The following ZC2HC1C variants were observed in gnomAD, a reference collection of about 807,000 sequenced individuals.
The protein encoded by ZC2HC1C is zinc finger C2HC domain-containing protein 1C.
ZC2HC1C carries 25 observed loss-of-function variants against 39.2 expected under a neutral mutation model. The ratio of observed to expected loss-of-function variants is 0.64; its 90% CI spans 0.47 to 0.89. ZC2HC1C has a LOEUF of 0.89. ZC2HC1C is among the 40% of genes least tolerant of loss of function. The pLI, the probability that ZC2HC1C is intolerant of heterozygous loss-of-function variation, is 0.00. For missense variants in ZC2HC1C, 519 were observed against 548.6 expected (o/e 0.95, Z 0.54); for synonymous variants, 209 against 214.4 (o/e 0.97, Z 0.22).
intron 2 of ZC2HC1C, among the ~76,000 whole-genome samples, chr14:75,075,553 T>G (rs1473923926): frequency 6.6e-6 from 1 of 152,230 alleles, no homozygotes; most frequent in Admixed American, 6.5e-5. Flanking sequence ...CCACTAGCTT[T>G]TAGCATCCAG....
In ZC2HC1C at chr14:75,071,125, CA is replaced by C; in HGVS notation, c.554del (p.Asn185ThrfsTer32). ...GGAACTTTGGTGTGAGGAACCAGGG[CA>C]ACTTTTCTGTGGTTGGTACTGTTCT... ...SRNFGVRNQG[N>X]FSVVGTVLAA... On this transcript the variant is annotated frameshift_variant, in exon 2 of 3. Transcript: ENST00000524913. LOFTEE classifies it high-confidence loss of function. The C allele has an allele frequency of 3.7e-6, 6 of 1,614,184 alleles. No homozygotes were observed. The highest frequency in any genetic ancestry group is 5.1e-6 in the Non-Finnish European group (6 of 1,180,042).
chr14:75,070,899 A>G lies in ZC2HC1C; in HGVS notation c.326A>G (p.Tyr109Cys), dbSNP rs746207229. ...DSQGQGNGLF[Y>C]SSGPQSWYPK... Reference sequence around the variant, plus strand: ...CAGGGCCAAGGAAATGGTTTGTTTTACTCGTCAGGCCCTCAATCCTGGTAT... The same window carrying G: ...CAGGGCCAAGGAAATGGTTTGTTTTGCTCGTCAGGCCCTCAATCCTGGTAT... Residue 109 changes from tyrosine to cysteine, a missense_variant, in exon 2 of 3, where the codon TAC (tyrosine) becomes TGC (cysteine). By Grantham distance (194) the Tyr-to-Cys change is radical. Transcript: ENST00000524913. 1 of 1,614,150 alleles carries G rather than the reference A, an allele frequency of 6.2e-7. No homozygotes were observed. The highest frequency in any genetic ancestry group is 8.5e-7 in the Non-Finnish European group (1 of 1,180,022).
rs1045740043 is a variant in ZC2HC1C, at chr14:75,078,800, A to C, written c.*1236A>C. 1 of 152,194 alleles carries C rather than the reference A, an allele frequency of 6.6e-6. No individual in the cohort carries two copies. Among genetic ancestry groups the C allele is most frequent in the Non-Finnish European group, 1.5e-5 (1 of 68,038 alleles). 9.4% of individuals were successfully genotyped at this position (152,194 alleles called of 1,614,324 possible). On this transcript the variant is annotated 3_prime_UTR_variant, in exon 3 of 3. Coordinates refer to ENST00000524913, the MANE Select transcript of ZC2HC1C (RefSeq NM_024643.4). ...GGCAATTATAGCATAGTCAACTTCT[A>C]TTTCAGAGAGTAAACTTTGAAGGGA... is the stretch of plus-strand genomic sequence containing the variant.
rs558524809 is a variant in ZC2HC1C, at chr14:75,070,945, C to CT, written c.375dup (p.Ile126TyrfsTer29). ...GGTATCCCAAAGCCAATAACCAGGA[C>CT]TTTATCCCCTTTACAAAGAAACGAG... On this transcript the variant is annotated frameshift_variant, in exon 2 of 3. Transcript: ENST00000524913. LOFTEE classifies it high-confidence loss of function. The CT allele has an allele frequency of 9.3e-6, 15 of 1,614,192 alleles. No individual in the cohort carries two copies. In the South Asian group the frequency reaches 1.5e-4, roughly 17 times the overall value.
In ZC2HC1C at chr14:75,071,738, G is replaced by C; in HGVS notation, c.1165G>C (p.Gly389Arg). The change falls in exon 2 of 3, where the codon GGT becomes CGT. Residue 389 changes from glycine (G) to arginine (R), a missense_variant. By Grantham distance (125) the Gly-to-Arg change is moderately radical (BLOSUM62 -2). Transcript: ENST00000524913. ...SSGSIEEPQLGECSHCGRKFL... is the reference protein window; with the variant it reads ...SSGSIEEPQLRECSHCGRKFL... ...CGGCTCCATTGAAGAGCCACAGCTG[G>C]GTGAGTGCAGCCACTGTGGGCGCAA... 1 of 1,614,192 alleles carries C rather than the reference G, an allele frequency of 6.2e-7. No homozygotes were observed. Among genetic ancestry groups the C allele is most frequent in the Non-Finnish European group, 8.5e-7 (1 of 1,180,030 alleles).
intron 1 of ZC2HC1C, among the ~76,000 whole-genome samples, chr14:75,070,149 C>T (rs1206976094): frequency 6.6e-6 from 1 of 152,164 alleles, no homozygotes; most frequent in African/African-American, 2.4e-5. Context: ...TGAGGCTGGA[C>T]TCTGCGGGAA....
chr14:75,077,475 G>A (rs1594812631), intron 2 of ZC2HC1C, 57 bp from the exon 3 acceptor site: 2 of 1,603,100 alleles, frequency 1.2e-6, no homozygotes, highest in East Asian at 4.5e-5. Context: ...TTCTACAAGA[G>A]ACTCAGGAAG....
At chr14:75,072,028 G>A (rs1893450891) in intron 2 of ZC2HC1C, 117 bp downstream of exon 2, 28 of 1,396,906 alleles carry the variant, frequency 2.0e-5, no homozygotes, top group Non-Finnish European at 2.5e-5. Flanking sequence ...TTGACGTCTA[G>A]AATTAACATT....
chr14:75,077,594 C>T lies in ZC2HC1C; in HGVS notation c.*30C>T. ...ATGAATCTTTTATCCATACGTTCCG[C>T]CAGGCTCGAGAGGTCCAGCAGGTAA... On this transcript the variant is annotated 3_prime_UTR_variant, in exon 3 of 3. Transcript: ENST00000524913. 2 of 1,614,018 alleles carry T rather than the reference C, an allele frequency of 1.2e-6. No homozygotes were observed. Among genetic ancestry groups the T allele is most frequent in the Non-Finnish European group, 1.7e-6 (2 of 1,179,950 alleles).
Position 75,077,596 on chromosome 14 carries a change from AG to A in ZC2HC1C, c.*34del. 1 of 1,613,960 alleles carries A rather than the reference AG, an allele frequency of 6.2e-7. No individual in the cohort carries two copies. ...GAATCTTTTATCCATACGTTCCGCC[AG>A]GCTCGAGAGGTCCAGCAGGTAACTG... On this transcript the variant is annotated 3_prime_UTR_variant, in exon 3 of 3. Coordinates refer to ENST00000524913, the MANE Select transcript of ZC2HC1C (RefSeq NM_024643.4).
chr14:75,070,939 C>T lies in ZC2HC1C; in HGVS notation c.366C>T (p.Asn122=). 6.2e-7 allele frequency: 1 copy of T among 1,614,174 alleles called. No homozygotes were observed. The highest frequency in any genetic ancestry group is 8.5e-7 in the Non-Finnish European group (1 of 1,180,044). ...AATCCTGGTATCCCAAAGCCAATAA[C>T]CAGGACTTTATCCCCTTTACAAAGA... The part of the protein sequence containing the change: ...GPQSWYPKAN[N]QDFIPFTKKR... The change falls in exon 2 of 3, where the codon AAC becomes AAT. Residue 122 remains asparagine, a synonymous_variant. Transcript: ENST00000524913.
At chr14:75,075,625 T>G (rs879231022) in intron 2 of ZC2HC1C, among the ~76,000 whole-genome samples, 1 of 152,244 alleles carries the variant, frequency 6.6e-6, no homozygotes, top group Non-Finnish European at 1.5e-5. Flanking sequence ...ACCTTTTTTT[T>G]TAAAAGGCTA....
In ZC2HC1C at chr14:75,077,571, G is replaced by C. The variant is rs151087313; in HGVS notation, c.*7G>C. 793 of 1,614,168 alleles carry C rather than the reference G, an allele frequency of 4.9e-4. 2 individuals carry two copies. In the African/African-American group the frequency reaches 9.0e-3, roughly 18 times the overall value. ...GAAGAGCAACTGGAGATAGAAGCAT[G>C]AATCTTTTATCCATACGTTCCGCCA... is the stretch of plus-strand genomic sequence containing the variant. On this transcript the variant is annotated 3_prime_UTR_variant, in exon 3 of 3. Coordinates refer to ENST00000524913, the MANE Select transcript of ZC2HC1C (RefSeq NM_024643.4).
In ZC2HC1C at chr14:75,071,255, C is replaced by T. The variant is rs371168246; in HGVS notation, c.682C>T (p.Arg228Ter). Residue 228 changes from arginine (R) to a stop codon, truncating the protein, a stop_gained, in exon 2 of 3, where the codon CGA becomes TGA. Coordinates refer to ENST00000524913, the MANE Select transcript of ZC2HC1C (RefSeq NM_024643.4). LOFTEE classifies it high-confidence loss of function. ...AAGESLEEEI[R>*]RKQILLRGKL... is the part of the protein sequence containing the mutation. Reference sequence around the variant, plus strand: ...AGGGGAGAGCTTAGAGGAGGAAATCCGAAGAAAGCAGATTCTCCTGAGGGG... The same window carrying T: ...AGGGGAGAGCTTAGAGGAGGAAATCTGAAGAAAGCAGATTCTCCTGAGGGG... 15 of 1,613,886 alleles carry T rather than the reference C, an allele frequency of 9.3e-6. No homozygotes were observed. The highest frequency in any genetic ancestry group is 2.2e-5 in the East Asian group (1 of 44,876).
At position 75,070,949 on chromosome 14, in the gene ZC2HC1C, A is replaced by G. The variant is rs1893356513; in HGVS notation, c.376A>G (p.Ile126Val). 8.7e-6 allele frequency: 14 copies of G among 1,614,194 alleles called. No homozygotes were observed. Among genetic ancestry groups the G allele is most frequent in the Non-Finnish European group, 1.2e-5 (14 of 1,180,038 alleles). The change falls in exon 2 of 3, where the codon ATC (isoleucine) becomes GTC (valine). Residue 126 changes from isoleucine (I) to valine (V), a missense_variant. Physicochemically the swap from Ile to Val is conservative, Grantham distance 29. Transcript: ENST00000524913. ...TCCCAAAGCCAATAACCAGGACTTT[A>G]TCCCCTTTACAAAGAAACGAGTTGG... Reference protein sequence around the residue: ...WYPKANNQDFIPFTKKRVGVD... With the variant: ...WYPKANNQDFVPFTKKRVGVD...
At chr14:75,070,193 G>T (rs1465305159) in intron 1 of ZC2HC1C, among the ~76,000 whole-genome samples, 1 of 152,222 alleles carries the variant, frequency 6.6e-6, no homozygotes, top group South Asian at 2.1e-4. Flanking sequence ...ACGGGGGCCA[G>T]CAAGGGAGAA....
Position 75,079,022 on chromosome 14 carries a change from T to C in ZC2HC1C, c.*1458T>C, listed in dbSNP as rs1893791443. The C allele has an allele frequency of 6.6e-6, 1 of 152,084 alleles. No homozygotes were observed. Among genetic ancestry groups the C allele is most frequent in the Non-Finnish European group, 1.5e-5 (1 of 68,008 alleles). The allele number at this position is 152,084 out of a possible 1,614,324, so 9.4% of individuals were successfully genotyped here. ...ATAGGAGTGAAGTTAGCACAACAGA[T>C]AGAAATCTTAGGATTACTGTTCTGT... On this transcript the variant is annotated 3_prime_UTR_variant, in exon 3 of 3. Transcript: ENST00000524913.
chr14:75,074,966 G>A (rs1893601987), intron 2 of ZC2HC1C, among the ~76,000 whole-genome samples: 1 of 152,076 alleles, frequency 6.6e-6, no homozygotes, highest in South Asian at 2.1e-4. Context: ...CACTGTAGTC[G>A]AATCACAATT....
chr14:75,076,025 C>A (rs1184141358), intron 2 of ZC2HC1C, among the ~76,000 whole-genome samples: 1 of 152,090 alleles, frequency 6.6e-6, no homozygotes, highest in Admixed American at 6.5e-5. Flanking sequence ...CCACTGCACT[C>A]CAGCCTGGGT....
Sources: gnomAD v4.1 joint callset for allele counts (sites outside exome capture counted in the v4.1 genomes callset) on GRCh38, gnomAD v4.1.1 for gene constraint, MANE v1.5 for transcripts, NCBI Gene and HGNC (gene_info 2026-07-23, HGNC 2026-07-21) for gene names.